Variants in QTMAN observed in about 807,000 individuals in gnomAD.
QTMAN encodes queuosine-tRNA mannosyltransferase.
At chr2:144,283,279 C>T in the QTMAN span, among the ~76,000 whole-genome samples, 3 of 152,114 alleles carry the variant, frequency 2.0e-5, no homozygotes, top group African/African-American at 7.2e-5. Flanking sequence ...CTGTCACTAT[C>T]TCCAGGCAGA....
the QTMAN span, among the ~76,000 whole-genome samples, chr2:144,004,167 C>T: frequency 0.049 from 7,473 of 151,948 alleles, 289 homozygotes; most frequent in African/African-American, 0.11. Context: ...TAAAGAAAAC[C>T]CCCCTTTTCA....
At chr2:144,297,999 C>A in the QTMAN span, among the ~76,000 whole-genome samples, 1 of 151,408 alleles carries the variant, frequency 6.6e-6, no homozygotes, top group Non-Finnish European at 1.5e-5. Context: ...AAAAGTATTA[C>A]GACTACATAG....
At chr2:144,168,944 G>A in the QTMAN span, among the ~76,000 whole-genome samples, 14 of 151,762 alleles carry the variant, frequency 9.2e-5, no homozygotes, top group East Asian at 9.6e-4. Flanking sequence ...ATCGTTCTCC[G>A]TAGAATTATT....
the QTMAN span, among the ~76,000 whole-genome samples, chr2:144,313,767 TATC>T: frequency 3.3e-5 from 5 of 151,546 alleles, no homozygotes; most frequent in African/African-American, 1.2e-4. Context: ...TCAATCTTAT[TATC>T]ATTAGAGTTT....
the QTMAN span, among the ~76,000 whole-genome samples, chr2:143,984,303 A>C: frequency 8.5e-5 from 13 of 152,312 alleles, no homozygotes; most frequent in Non-Finnish European, 1.5e-4. Flanking sequence ...ATCACACAAG[A>C]GGTGAAAAAG....
chr2:144,277,554 A>G, the QTMAN span, among the ~76,000 whole-genome samples: 1 of 152,188 alleles, frequency 6.6e-6, no homozygotes, highest in Non-Finnish European at 1.5e-5. Flanking sequence ...GAGTTACAAG[A>G]CATTCTTAAA....
chr2:144,089,759 G>C, the QTMAN span, among the ~76,000 whole-genome samples: 3 of 151,944 alleles, frequency 2.0e-5, no homozygotes, highest in African/African-American at 7.2e-5. Context: ...AGATAACAAA[G>C]ACTGGGAAGG....
At chr2:144,264,642 T>C in the QTMAN span, among the ~76,000 whole-genome samples, 2 of 152,164 alleles carry the variant, frequency 1.3e-5, no homozygotes, top group African/African-American at 2.4e-5. Context: ...GTGAGGCTAG[T>C]CAGGAACGAA....
chr2:144,332,243 G>A, the QTMAN span, among the ~76,000 whole-genome samples: 1 of 151,592 alleles, frequency 6.6e-6, no homozygotes, highest in African/African-American at 2.4e-5. Flanking sequence ...GTGCGCCCGG[G>A]AAGCGCGCGG....
At chr2:144,259,092 C>A in the QTMAN span, among the ~76,000 whole-genome samples, 2 of 152,188 alleles carry the variant, frequency 1.3e-5, no homozygotes, top group Admixed American at 1.3e-4. Context: ...TCAGCAGGTA[C>A]ACCAGAAGTG....
At chr2:144,159,648 GA>G in the QTMAN span, among the ~76,000 whole-genome samples, 1 of 152,106 alleles carries the variant, frequency 6.6e-6, no homozygotes, top group Non-Finnish European at 1.5e-5. Flanking sequence ...ACATGTGTTT[GA>G]GGAATATTAC....
the QTMAN span, chr2:144,005,955 C>T: frequency 3.0e-4 from 45 of 151,884 alleles, no homozygotes; most frequent in African/African-American, 1.0e-3. Context: ...CAGAGACAAC[C>T]AAAGGTTAAT....
chr2:144,132,521 A>C, the QTMAN span, among the ~76,000 whole-genome samples: 5 of 152,230 alleles, frequency 3.3e-5, no homozygotes, highest in African/African-American at 1.2e-4. Context: ...GAATGTATGA[A>C]TATCATAGCC....
chr2:144,321,638 C>CT, the QTMAN span, among the ~76,000 whole-genome samples: 1 of 152,170 alleles, frequency 6.6e-6, no homozygotes, highest in Non-Finnish European at 1.5e-5. Context: ...GAGTCTCACT[C>CT]TGTCACCCAG....
the QTMAN span, among the ~76,000 whole-genome samples, chr2:144,316,169 G>A: frequency 1.3e-5 from 2 of 151,992 alleles, no homozygotes; most frequent in African/African-American, 2.4e-5. Context: ...TGAGCTCAGA[G>A]GTTGAGGCTG....
chr2:144,064,116 T>A, the QTMAN span, among the ~76,000 whole-genome samples: 1 of 151,948 alleles, frequency 6.6e-6, no homozygotes, highest in African/African-American at 2.4e-5. Flanking sequence ...TAAGAAGCAA[T>A]GCAAAGTCAC....
chr2:144,141,750 G>C, the QTMAN span: 2 of 617,658 alleles, frequency 3.2e-6, no homozygotes, highest in East Asian at 5.3e-5. Flanking sequence ...ACAGCATGGT[G>C]AGATAGAACT....
the QTMAN span, among the ~76,000 whole-genome samples, chr2:144,124,348 T>A: frequency 6.6e-6 from 1 of 152,178 alleles, no homozygotes; most frequent in African/African-American, 2.4e-5. Flanking sequence ...CTTAACTTTA[T>A]CTTCTCATAT....
the QTMAN span, among the ~76,000 whole-genome samples, chr2:144,061,776 T>C: frequency 6.6e-6 from 1 of 152,116 alleles, no homozygotes; most frequent in African/African-American, 2.4e-5. Flanking sequence ...CCCCCCATCC[T>C]GTGCCCATAT....
Sources: allele counts gnomAD v4.1 joint callset (sites outside exome capture counted in the v4.1 genomes callset), GRCh38; gene constraint gnomAD v4.1.1; transcripts MANE v1.5; gene names NCBI Gene and HGNC (gene_info 2026-07-23, HGNC 2026-07-21).